SLC39A2: variants seen among roughly 807,000 people sequenced by gnomAD.
SLC39A2 encodes the protein zinc transporter ZIP2.
Under a neutral mutation model 18.0 loss-of-function variants are expected in SLC39A2, and 14 were observed. The observed-to-expected ratio is 0.78, with a 90% CI of 0.51 to 1.22. SLC39A2 has a LOEUF of 1.22. Among genes scored for constraint, SLC39A2 ranks in the 50% most tolerant of loss-of-function variants. SLC39A2 has a pLI of 0.00. For missense variants in SLC39A2, 375 were observed against 370.6 expected, an observed-to-expected ratio of 1.01 and a Z score of -0.10; for synonymous variants, 152 against 153.1, an observed-to-expected ratio of 0.99 and a Z score of 0.05.
intron 2 of SLC39A2, 70 bp downstream of exon 2, chr14:20,999,942 G>A (rs530833201): frequency 5.5e-4 from 871 of 1,590,474 alleles, no homozygotes; most frequent in Non-Finnish European, 6.7e-4. Context: ...GGAAGAGAGC[G>A]GGAAAGTGAT....
Position 21,001,032 on chromosome 14 carries a change from C to T in SLC39A2, c.383C>T (p.Pro128Leu), listed in dbSNP as rs1880606623. 2.5e-6 allele frequency: 4 copies of T among 1,590,616 alleles called. No homozygotes were observed. The highest frequency in any genetic ancestry group is 3.4e-6 in the Non-Finnish European group (4 of 1,166,310). The change falls in exon 4 of 4, where the codon CCT becomes CTT. Residue 128 changes from proline to leucine, a missense_variant. Coordinates refer to ENST00000298681, the MANE Select transcript of SLC39A2 (RefSeq NM_014579.4). Reference protein sequence around the residue: ...FLESLALQCCPGAAGGSTVQD... With the variant: ...FLESLALQCCLGAAGGSTVQD... ...GAGTCGCTGGCATTGCAGTGCTGTC[C>T]TGGGGCTGCTGGAGGATCGACAGTG... is the stretch of plus-strand genomic sequence containing the variant.
At position 20,999,343 on chromosome 14, in the gene SLC39A2, C is replaced by T. The variant is rs986383411; in HGVS notation, c.-104C>T. 8 of 805,502 alleles carry T rather than the reference C, an allele frequency of 9.9e-6. No individual in the cohort carries two copies. The highest frequency in any genetic ancestry group is 1.7e-5 in the African/African-American group (1 of 59,296). 49.9% of individuals were successfully genotyped at this position (805,502 alleles called of 1,614,324 possible). ...GATACCAACAGCCTCCTGAAACTCACGAGAGTGGACACTCCAGTGTTGACC... is the reference window on the plus strand; with the variant it reads ...GATACCAACAGCCTCCTGAAACTCATGAGAGTGGACACTCCAGTGTTGACC... On this transcript the variant is annotated 5_prime_UTR_variant, in exon 1 of 4. It adds an upstream start codon to the 5' untranslated region. Transcript: ENST00000298681.
chr14:20,999,797 G>A lies in SLC39A2; in HGVS notation c.171G>A (p.Leu57=), dbSNP rs949211398. The A allele has an allele frequency of 1.9e-6, 3 of 1,614,002 alleles. No individual in the cohort carries two copies. In the African/African-American group the frequency reaches 4.0e-5, roughly 22 times the overall value. ...LLGCISAGVF[L]GAGFMHMTAE... Reference sequence around the variant, plus strand: ...GCTGTATTTCTGCTGGTGTTTTCCTGGGAGCAGGGTTCATGCATATGACTG... The same window carrying A: ...GCTGTATTTCTGCTGGTGTTTTCCTAGGAGCAGGGTTCATGCATATGACTG... Residue 57 remains leucine, a synonymous_variant, in exon 2 of 4, where the codon CTG becomes CTA. Transcript: ENST00000298681.
intron 1 of SLC39A2, 36 bp downstream of exon 1, chr14:20,999,597 G>A (rs1411196509): frequency 1.0e-5 from 16 of 1,594,068 alleles, no homozygotes; most frequent in Admixed American, 1.7e-5. Flanking sequence ...CATAGCCTGA[G>A]TCTCACCTCA....
chr14:20,999,709 G>A (rs142200745), intron 1 of SLC39A2, 33 bp from the exon 2 acceptor site: 9 of 1,613,578 alleles, frequency 5.6e-6, no homozygotes, highest in Middle Eastern at 1.6e-4. Flanking sequence ...TCTCCTCAGT[G>A]TCAAGTGGGT....
At chr14:20,999,600 T>G (rs1334825828) in intron 1 of SLC39A2, 39 bp downstream of exon 1, 1 of 1,591,072 alleles carries the variant, frequency 6.3e-7, no homozygotes, top group Non-Finnish European at 8.6e-7. Context: ...AGCCTGAGTC[T>G]CACCTCAACC....
chr14:21,000,002 G>T, intron 2 of SLC39A2, 114 bp from the exon 3 acceptor site: 1 of 1,450,856 alleles, frequency 6.9e-7, no homozygotes. Context: ...GCTCTTGTGT[G>T]GGATGGTGAA....
At position 21,000,972 on chromosome 14, in the gene SLC39A2, T is replaced by C; in HGVS notation, c.323T>C (p.Ile108Thr). 6.6e-7 allele frequency: 1 copy of C among 1,516,284 alleles called. No homozygotes were observed. Among genetic ancestry groups the C allele is most frequent in the South Asian group, 1.4e-5 (1 of 73,410 alleles). 93.9% of individuals were successfully genotyped at this position (1,516,284 alleles called of 1,614,324 possible). A position where few individuals can be genotyped will look rare whatever the true frequency, so the allele number is the denominator to read the frequency against. ...ATGGAGTATCCCTATGGAGAGCTCA[T>C]CATCTCCCTGGGCTTCTTTTTTGTC... ...AHMEYPYGEL[I>T]ISLGFFFVFF... The change falls in exon 4 of 4, where the codon ATC becomes ACC. Residue 108 changes from isoleucine (I) to threonine (T), a missense_variant. By Grantham distance (89) the Ile-to-Thr change is moderately conservative. Transcript: ENST00000298681.
Position 21,001,776 on chromosome 14 carries a change from G to T in SLC39A2, c.*197G>T. 2.2e-6 allele frequency: 1 copy of T among 457,194 alleles called. No individual in the cohort carries two copies. The highest frequency in any genetic ancestry group is 3.3e-5 in the East Asian group (1 of 30,526). 28.3% of individuals were successfully genotyped at this position (457,194 alleles called of 1,614,324 possible). A position where few individuals can be genotyped will look rare whatever the true frequency, so the allele number is the denominator to read the frequency against. The stretch of plus-strand genomic sequence containing the variant: ...ACTAAGACAAAGATATTTAGGTTGA[G>T]CAGCTATTAATTGGAGAATTGGTAC... On this transcript the variant is annotated 3_prime_UTR_variant, in exon 4 of 4. Transcript: ENST00000298681.
chr14:21,000,004 G>A, intron 2 of SLC39A2, 112 bp from the exon 3 acceptor site: 1 of 1,446,894 alleles, frequency 6.9e-7, no homozygotes, highest in Admixed American at 1.8e-5. Flanking sequence ...TCTTGTGTGG[G>A]ATGGTGAAAG....
At chr14:20,999,903 A>C in intron 2 of SLC39A2, 31 bp downstream of exon 2, 1 of 1,612,796 alleles carries the variant, frequency 6.2e-7, no homozygotes, top group Non-Finnish European at 8.5e-7. Context: ...CCGCAGGTCT[A>C]TGAGGCCAAA....
chr14:20,999,813 C>T lies in SLC39A2; in HGVS notation c.187C>T (p.His63Tyr), dbSNP rs1880547763. ...AGVFLGAGFMHMTAEALEEIE... is the reference protein window; with the variant it reads ...AGVFLGAGFMYMTAEALEEIE... ...TGTTTTCCTGGGAGCAGGGTTCATG[C>T]ATATGACTGCTGAAGCCCTGGAGGA... The change falls in exon 2 of 4, where the codon CAT becomes TAT. Residue 63 changes from histidine (H) to tyrosine (Y), a missense_variant. Physicochemically the swap from His to Tyr is moderately conservative, Grantham distance 83 (BLOSUM62 2). Coordinates refer to ENST00000298681, the MANE Select transcript of SLC39A2 (RefSeq NM_014579.4). 1 of 1,613,950 alleles carries T rather than the reference C, an allele frequency of 6.2e-7. No homozygotes were observed. Among genetic ancestry groups the T allele is most frequent in the Non-Finnish European group, 8.5e-7 (1 of 1,179,936 alleles).
rs762289107 is a variant in SLC39A2 at position 21,001,520 on chromosome 14, A to C, written c.871A>C (p.Lys291Gln). The C allele has an allele frequency of 6.2e-7, 1 of 1,606,104 alleles. No individual in the cohort carries two copies. Among genetic ancestry groups the C allele is most frequent in the South Asian group, 1.1e-5 (1 of 89,614 alleles). ...ELASPEAPLA[K>Q]WSCVAAGFAF... is the part of the protein sequence containing the mutation. Reference sequence around the variant, plus strand: ...AGCTAGTCCTGAGGCCCCTCTAGCTAAGTGGAGCTGTGTAGCCGCTGGTTT... The same window carrying C: ...AGCTAGTCCTGAGGCCCCTCTAGCTCAGTGGAGCTGTGTAGCCGCTGGTTT... The change falls in exon 4 of 4, where the codon AAG becomes CAG. Residue 291 changes from lysine (K) to glutamine (Q), a missense_variant. By Grantham distance (53) the Lys-to-Gln change is moderately conservative (BLOSUM62 1). Coordinates refer to ENST00000298681, the MANE Select transcript of SLC39A2 (RefSeq NM_014579.4).
At chr14:21,000,803 G>A (rs562993974) in intron 3 of SLC39A2, 144 bp from the exon 4 acceptor site, 12 of 665,796 alleles carry the variant, frequency 1.8e-5, no homozygotes, top group Non-Finnish European at 2.9e-5. Context: ...GCATGGCCAT[G>A]TCTACTCTTG....
rs145679995 is a variant in SLC39A2 at position 21,001,522 on chromosome 14, G to A, written c.873G>A (p.Lys291=). 98 of 1,602,218 alleles carry A rather than the reference G, an allele frequency of 6.1e-5. No individual in the cohort carries two copies. In the African/African-American group the frequency reaches 1.2e-3, roughly 20 times the overall value. Residue 291 remains lysine (K), a synonymous_variant, in exon 4 of 4, where the codon AAG becomes AAA. Transcript: ENST00000298681. The part of the protein sequence containing the change: ...ELASPEAPLA[K]WSCVAAGFAF... ...CTAGTCCTGAGGCCCCTCTAGCTAA[G>A]TGGAGCTGTGTAGCCGCTGGTTTTG...
rs145056031 is a variant in SLC39A2, at chr14:21,001,287, G to A, written c.638G>A (p.Arg213Gln). ...KGLVVFGVGM[R>Q]LVHLGTSSRW... ...CTTGTGGTGTTTGGTGTAGGAATGCGGCTAGTGCATTTAGGTACCAGCTCA... is the reference window on the plus strand; with the variant it reads ...CTTGTGGTGTTTGGTGTAGGAATGCAGCTAGTGCATTTAGGTACCAGCTCA... Residue 213 changes from arginine to glutamine, a missense_variant, in exon 4 of 4, where the codon CGG (arginine) becomes CAG (glutamine). Coordinates refer to ENST00000298681, the MANE Select transcript of SLC39A2 (RefSeq NM_014579.4). 611 of 1,614,088 alleles carry A rather than the reference G, an allele frequency of 3.8e-4. No homozygotes were observed. The highest frequency in any genetic ancestry group is 5.7e-4 in the Admixed American group (34 of 60,006).
At chr14:20,999,606 C>T in intron 1 of SLC39A2, 45 bp downstream of exon 1, 4 of 1,583,556 alleles carry the variant, frequency 2.5e-6, no homozygotes, top group Non-Finnish European at 3.5e-6. Flanking sequence ...AGTCTCACCT[C>T]AACCCTGTCC....
chr14:21,000,902 G>A, intron 3 of SLC39A2, 45 bp from the exon 4 acceptor site: 1 of 1,404,926 alleles, frequency 7.1e-7, no homozygotes, highest in Non-Finnish European at 9.4e-7. Context: ...CCAATGTATT[G>A]CCTACCCTTC....
At chr14:21,000,287 C>A in intron 3 of SLC39A2, 121 bp downstream of exon 3, 1 of 695,724 alleles carries the variant, frequency 1.4e-6, no homozygotes, top group South Asian at 1.9e-5. Context: ...CTCCCTAGCT[C>A]AGACATCGTA....
Sources: allele counts gnomAD v4.1 joint callset, GRCh38; gene constraint gnomAD v4.1.1; transcripts MANE v1.5; gene names NCBI Gene and HGNC (gene_info 2026-07-23, HGNC 2026-07-21).